SATB2: variants seen among roughly 807,000 people sequenced by gnomAD.
SATB2 encodes the protein SATB homeobox 2.
A neutral mutation model predicts 73.4 loss-of-function variants in SATB2; 1 was observed. The observed-to-expected ratio is 0.01, with a 90% CI of 0.00 to 0.06. The LOEUF (loss-of-function observed/expected upper bound fraction) is 0.06, where lower values mean the gene tolerates loss of function less well. Ranked by LOEUF, SATB2 falls within the 10% of genes least tolerant of loss-of-function variation. The pLI is 1.00. For synonymous variants in SATB2, 397 were observed against 367.0 expected (o/e 1.08, Z -0.93); for missense variants, 459 against 945.8 (o/e 0.49, Z 6.75).
chr2:199,364,547 G>A (rs577629404), intron 6 of SATB2, among the ~76,000 whole-genome samples: 7 of 152,192 alleles, frequency 4.6e-5, no homozygotes, highest in African/African-American at 1.7e-4. Flanking sequence ...GACGGTTCTT[G>A]GGCAATGACT....
rs1692336257 is a variant in SATB2 at position 199,457,819 on chromosome 2, A to G, written c.-540T>C. On this transcript the variant is annotated 5_prime_UTR_variant, in exon 1 of 11. Coordinates refer to ENST00000417098, the MANE Select transcript of SATB2 (RefSeq NM_001172509.2). The surrounding 1 kb of genome is among the most constrained non-coding windows in gnomAD (Gnocchi z 4.8). The stretch of plus-strand genomic sequence containing the variant: ...CCAGAGCGGTGGGACCGGTAACACC[A>G]AGAGCCGAGAAGACGCAGGGACCCG... 1.3e-5 allele frequency: 2 copies of G among 153,502 alleles called. No individual in the cohort carries two copies. Among genetic ancestry groups the G allele is most frequent in the South Asian group, 3.5e-4 (2 of 5,702 alleles). The allele number at this position is 153,502 out of a possible 1,614,324, so 9.5% of individuals were successfully genotyped here. A position where few individuals can be genotyped will look rare whatever the true frequency, so the allele number is the denominator to read the frequency against.
chr2:199,308,976 G>GC lies in SATB2; in HGVS notation c.1543-20dup. 1 of 1,607,792 alleles carries GC rather than the reference G, an allele frequency of 6.2e-7. No individual in the cohort carries two copies. The highest frequency in any genetic ancestry group is 8.5e-7 in the Non-Finnish European group (1 of 1,174,686). On this transcript the variant is annotated intron_variant, in intron 9 of 10. Transcript: ENST00000417098. This position sits in a 1 kb window ranked among gnomAD's most constrained non-coding sequence, Gnocchi z 4.6. Reference sequence around the variant, plus strand: ...GCCAGCCCTGTAGAGAGAGGAGGTCGCTTGCATTAACCTGCAGAGTGTAGA... The same window carrying GC: ...GCCAGCCCTGTAGAGAGAGGAGGTCGCCTTGCATTAACCTGCAGAGTGTAGA...
chr2:199,284,272 T>C (rs967993222), intron 10 of SATB2, among the ~76,000 whole-genome samples: 3 of 152,340 alleles, frequency 2.0e-5, no homozygotes, highest in African/African-American at 4.8e-5. Flanking sequence ...TGCATAACCT[T>C]ACAAAATACA....
chr2:199,466,121 G>A (rs536950951), upstream of SATB2, among the ~76,000 whole-genome samples: 4 of 152,270 alleles, frequency 2.6e-5, no homozygotes, highest in East Asian at 1.9e-4. Context: ...GGTAACTTCC[G>A]GAGACCCGGA....
At chr2:199,410,017 T>A (rs1420868995) in intron 3 of SATB2, among the ~76,000 whole-genome samples, 3 of 152,198 alleles carry the variant, frequency 2.0e-5, no homozygotes, top group Admixed American at 2.0e-4. Flanking sequence ...TTTTGGTCTG[T>A]GTACATCACA....
chr2:199,275,461 C>G lies in SATB2; in HGVS notation c.1741-2789G>C, dbSNP rs1692284927. ...CATGGATTAATTAACTGAATCCTGA[C>G]AAGTTCCTCACAAAGGTGCTATTTG... On this transcript the variant is annotated intron_variant, in intron 10 of 10. Coordinates refer to ENST00000417098, the MANE Select transcript of SATB2 (RefSeq NM_001172509.2). Among the ~76,000 whole-genome samples, 2 of 125,024 alleles carry G rather than the reference C, an allele frequency of 1.6e-5. 1 individual carries two copies. Among genetic ancestry groups the G allele is most frequent in the South Asian group, 6.7e-4 (2 of 2,978 alleles). 82.0% of individuals were successfully genotyped at this position (125,024 alleles called of 152,430 possible).
At chr2:199,445,233 C>A (rs1309724782) in intron 2 of SATB2, among the ~76,000 whole-genome samples, 3 of 152,114 alleles carry the variant, frequency 2.0e-5, no homozygotes, top group Non-Finnish European at 4.4e-5. Flanking sequence ...AAGGGAATTA[C>A]TTTGCAGCTT....
At chr2:199,402,175 A>G (rs2105893739) in intron 3 of SATB2, among the ~76,000 whole-genome samples, 1 of 152,244 alleles carries the variant, frequency 6.6e-6, no homozygotes, top group Admixed American at 6.5e-5. Context: ...TCATGAGGTC[A>G]AGAGATTGAG....
At chr2:199,411,196 C>T (rs772032335) in intron 3 of SATB2, among the ~76,000 whole-genome samples, 11 of 151,762 alleles carry the variant, frequency 7.2e-5, no homozygotes, top group Non-Finnish European at 1.5e-4. Context: ...CGGGTTCTTT[C>T]CAAGTCACTA....
At position 199,348,776 on chromosome 2, in the gene SATB2, C is replaced by T; in HGVS notation, c.1098G>A (p.Gln366=). Residue 366 remains glutamine, a synonymous_variant, in exon 7 of 11, where the codon CAG becomes CAA. Transcript: ENST00000417098. ...CCCTCTTCAGCTCATCTCTGACTTG[C>T]TGGTAGATATCTGGAGAGACTTCCA... ...SSVEVSPDIY[Q]QVRDELKRAS... is the part of the protein sequence containing the mutation. The T allele has an allele frequency of 1.2e-6, 2 of 1,605,644 alleles. No individual in the cohort carries two copies. Among genetic ancestry groups the T allele is most frequent in the Non-Finnish European group, 1.7e-6 (2 of 1,174,376 alleles).
chr2:199,420,783 A>C (rs1048222865), intron 3 of SATB2, among the ~76,000 whole-genome samples: 1 of 152,184 alleles, frequency 6.6e-6, no homozygotes, highest in African/African-American at 2.4e-5. Flanking sequence ...TAAAAAAGGA[A>C]CATAGCAAAT....
rs200906399 is a variant in SATB2, at chr2:199,391,446, A to C, written c.347-9626T>G. Among the ~76,000 whole-genome samples, 525 of 150,626 alleles carry C rather than the reference A, an allele frequency of 3.5e-3. 5 individuals are homozygous for C. Among genetic ancestry groups the C allele is most frequent in the African/African-American group, 9.5e-3 (389 of 41,040 alleles). On this transcript the variant is annotated intron_variant, in intron 3 of 10. Coordinates refer to ENST00000417098, the MANE Select transcript of SATB2 (RefSeq NM_001172509.2). ...AGACTCCGTCTCAAAAAAAAAAAAA[A>C]AAAAAACAAAAAACAAAAAACGAGT...
chr2:199,366,902 GCACA>G (rs71015897), intron 6 of SATB2, among the ~76,000 whole-genome samples: 5 of 149,718 alleles, frequency 3.3e-5, no homozygotes, highest in South Asian at 2.1e-4. Context: ...ATGTGCGAAT[GCACA>G]CACACACACA....
At chr2:199,387,353 T>C (rs1260289887) in intron 3 of SATB2, among the ~76,000 whole-genome samples, 6 of 152,190 alleles carry the variant, frequency 3.9e-5, no homozygotes, top group Admixed American at 2.0e-4. Flanking sequence ...CATCAGGCAG[T>C]GTCTGGACAT....
At chr2:199,332,031 A>C (rs950106324) in intron 7 of SATB2, among the ~76,000 whole-genome samples, 2 of 152,168 alleles carry the variant, frequency 1.3e-5, no homozygotes, top group African/African-American at 4.8e-5. Flanking sequence ...GCACCTGGGC[A>C]CTGAAAAAAA....
intron 6 of SATB2, among the ~76,000 whole-genome samples, chr2:199,363,257 C>T (rs1380489279): frequency 1.3e-5 from 2 of 152,154 alleles, no homozygotes; most frequent in African/African-American, 2.4e-5. Flanking sequence ...ACACACAAGG[C>T]TCTCCTATAT....
intron 10 of SATB2, among the ~76,000 whole-genome samples, chr2:199,277,709 A>C: frequency 6.6e-6 from 1 of 152,310 alleles, no homozygotes; most frequent in East Asian, 1.9e-4. Context: ...AACAATAATA[A>C]TAGTAGTAAT....
At chr2:199,309,105 T>A in intron 9 of SATB2, 148 bp from the exon 10 acceptor site, 1 of 723,840 alleles carries the variant, frequency 1.4e-6, no homozygotes, top group Non-Finnish European at 2.4e-6. Context: ...AGTCTGACTC[T>A]AAAAACCAAC....
At position 199,308,281 on chromosome 2, in the gene SATB2, T is replaced by C. The variant is rs1214840689; in HGVS notation, c.1740+479A>G. On this transcript the variant is annotated intron_variant, in intron 10 of 10. Coordinates refer to ENST00000417098, the MANE Select transcript of SATB2 (RefSeq NM_001172509.2). This position sits in a 1 kb window ranked among gnomAD's most constrained non-coding sequence, Gnocchi z 4.6. ...CTAAGAATCTGTCACAATCTGTCTCTCAAGGTTCAGCTGAGTTCAATGGTA... is the reference window on the plus strand; with the variant it reads ...CTAAGAATCTGTCACAATCTGTCTCCCAAGGTTCAGCTGAGTTCAATGGTA... Among the ~76,000 whole-genome samples the C allele has an allele frequency of 1.3e-5, 2 of 152,150 alleles. No individual in the cohort carries two copies. The highest frequency in any genetic ancestry group is 2.9e-5 in the Non-Finnish European group (2 of 68,018).
Sources: allele counts gnomAD v4.1 joint callset (sites outside exome capture counted in the v4.1 genomes callset), GRCh38; gene constraint gnomAD v4.1.1; non-coding constraint Gnocchi (gnomAD v3.1); transcripts MANE v1.5; gene names NCBI Gene and HGNC (gene_info 2026-07-23, HGNC 2026-07-21).